Variants in DPYD observed in about 807,000 individuals in gnomAD.
DPYD encodes the protein dihydropyrimidine dehydrogenase [NADP(+)].
Under a neutral mutation model 116.2 loss-of-function variants are expected in DPYD, and 109 were observed. The ratio of observed to expected loss-of-function variants is 0.94; its 90% CI spans 0.80 to 1.10. The LOEUF is 1.10. Among genes scored for constraint, DPYD ranks in the 50% least tolerant of loss-of-function variants. DPYD has a pLI of 0.00. For synonymous variants in DPYD, 440 were observed against 432.0 expected (o/e 1.02, Z -0.23); for missense variants, 1,302 against 1,254.5 (o/e 1.04, Z -0.57).
At chr1:97,428,440 G>C (rs373754218) in intron 14 of DPYD, among the ~76,000 whole-genome samples, 1 of 152,044 alleles carries the variant, frequency 6.6e-6, no homozygotes, top group African/African-American at 2.4e-5. Flanking sequence ...TGCCCAGTGA[G>C]TACTTATGTA....
chr1:97,093,631 C>T (rs564671346), intron 21 of DPYD, among the ~76,000 whole-genome samples: 15 of 152,264 alleles, frequency 9.9e-5, no homozygotes, highest in South Asian at 8.3e-4. Context: ...AGCTATGAAA[C>T]GGCAATGCCA....
At chr1:97,272,071 T>C (rs1276264028) in intron 18 of DPYD, among the ~76,000 whole-genome samples, 2 of 152,200 alleles carry the variant, frequency 1.3e-5, no homozygotes, top group Admixed American at 6.5e-5. Context: ...ACACAAGTTT[T>C]GAACGCCTGT....
chr1:97,888,794 A>C (rs1179051002), intron 1 of DPYD, among the ~76,000 whole-genome samples: 3 of 152,136 alleles, frequency 2.0e-5, no homozygotes, highest in Non-Finnish European at 4.4e-5. Context: ...ATCTTTCAAA[A>C]AATACATTCC....
chr1:97,752,506 T>A (rs538812558), intron 3 of DPYD, among the ~76,000 whole-genome samples: 1 of 152,162 alleles, frequency 6.6e-6, no homozygotes, highest in Non-Finnish European at 1.5e-5. Context: ...ACATTCTCCT[T>A]AAGGGGAGAA....
chr1:97,794,091 C>T (rs1209112096), intron 3 of DPYD, among the ~76,000 whole-genome samples: 1 of 152,130 alleles, frequency 6.6e-6, no homozygotes, highest in African/African-American at 2.4e-5. Flanking sequence ...GCATGCGCCA[C>T]TATGCCCAGC....
At chr1:97,360,956 G>C (rs1309732560) in intron 16 of DPYD, among the ~76,000 whole-genome samples, 1 of 152,052 alleles carries the variant, frequency 6.6e-6, no homozygotes, top group Non-Finnish European at 1.5e-5. Context: ...ACTAAGATCA[G>C]AGCAGAACTG....
At chr1:97,912,809 TG>T (rs1309740295) in intron 1 of DPYD, among the ~76,000 whole-genome samples, 2 of 152,120 alleles carry the variant, frequency 1.3e-5, no homozygotes, top group African/African-American at 4.8e-5. Context: ...TTCTTTGAAC[TG>T]TGGAGAAGTT....
chr1:97,369,411 C>T (rs1671199758), intron 16 of DPYD, among the ~76,000 whole-genome samples: 1 of 152,128 alleles, frequency 6.6e-6, no homozygotes, highest in African/African-American at 2.4e-5. Context: ...ACTTAATTTT[C>T]AGTTAACAAT....
intron 8 of DPYD, among the ~76,000 whole-genome samples, chr1:97,638,058 A>T (rs1483708037): frequency 1.3e-5 from 2 of 152,168 alleles, no homozygotes; most frequent in Non-Finnish European, 1.5e-5. Flanking sequence ...TGTTCTCATA[A>T]AACTTGCTCT....
At chr1:97,460,784 A>T (rs1296590115) in intron 13 of DPYD, among the ~76,000 whole-genome samples, 2 of 152,182 alleles carry the variant, frequency 1.3e-5, no homozygotes, top group Non-Finnish European at 2.9e-5. Flanking sequence ...CATGCCTGTA[A>T]TCCCAGCACT....
At chr1:97,159,925 C>A (rs537231356) in intron 20 of DPYD, among the ~76,000 whole-genome samples, 1 of 152,010 alleles carries the variant, frequency 6.6e-6, no homozygotes, top group South Asian at 2.1e-4. Context: ...CTCCCTCCTT[C>A]CTTGTCTTCT....
chr1:97,748,676 A>C (rs1664697318), intron 3 of DPYD, among the ~76,000 whole-genome samples: 1 of 152,178 alleles, frequency 6.6e-6, no homozygotes, highest in Non-Finnish European at 1.5e-5. Context: ...ATTAGCGGGC[A>C]CATATATAAG....
At chr1:97,842,696 C>T (rs1670095789) in intron 2 of DPYD, among the ~76,000 whole-genome samples, 1 of 152,018 alleles carries the variant, frequency 6.6e-6, no homozygotes, top group Non-Finnish European at 1.5e-5. Context: ...TATTCACTGA[C>T]ACATTGCTGA....
At chr1:97,233,008 C>T (rs1052285275) in intron 19 of DPYD, among the ~76,000 whole-genome samples, 5 of 152,090 alleles carry the variant, frequency 3.3e-5, no homozygotes, top group Non-Finnish European at 7.4e-5. Context: ...TTAAGAGACT[C>T]TTGATTTTAT....
chr1:97,519,316 A>T (rs961122554), intron 12 of DPYD, among the ~76,000 whole-genome samples: 8 of 152,070 alleles, frequency 5.3e-5, no homozygotes, highest in African/African-American at 1.7e-4. Flanking sequence ...AAAGAGGGAG[A>T]GCTTATGCAG....
chr1:97,400,014 C>A (rs1391829434), intron 14 of DPYD, among the ~76,000 whole-genome samples: 2 of 152,256 alleles, frequency 1.3e-5, no homozygotes, highest in African/African-American at 2.4e-5. Context: ...AGAGGGCATC[C>A]CTGTCTTGTG....
At chr1:97,808,076 A>G (rs1668162030) in intron 3 of DPYD, among the ~76,000 whole-genome samples, 1 of 152,016 alleles carries the variant, frequency 6.6e-6, no homozygotes, top group African/African-American at 2.4e-5. Flanking sequence ...TTCTCCTTCA[A>G]TATATGTTAG....
At chr1:97,689,130 T>C (rs1660883161) in intron 7 of DPYD, among the ~76,000 whole-genome samples, 1 of 150,202 alleles carries the variant, frequency 6.7e-6, no homozygotes, top group Non-Finnish European at 1.5e-5. Flanking sequence ...AATGTACAAA[T>C]AACAAACAAA....
chr1:97,574,118 AG>A, intron 10 of DPYD, 148 bp from the exon 11 acceptor site: 1 of 1,365,834 alleles, frequency 7.3e-7, no homozygotes, highest in Non-Finnish European at 9.9e-7. Flanking sequence ...TTCAGTTACC[AG>A]TTATTTGCAT....
Sources: gnomAD v4.1 joint callset for allele counts (sites outside exome capture counted in the v4.1 genomes callset) on GRCh38, gnomAD v4.1.1 for gene constraint, MANE v1.5 for transcripts, NCBI Gene and HGNC (gene_info 2026-07-23, HGNC 2026-07-21) for gene names.